DMXL1: variants seen among roughly 807,000 people sequenced by gnomAD.
The protein encoded by DMXL1 is Dmx like 1.
Under a neutral mutation model 319.2 loss-of-function variants are expected in DMXL1, and 99 were observed. The observed-to-expected ratio is 0.31, with a 90% CI of 0.26 to 0.37. The LOEUF is 0.37. DMXL1 is among the 10% of genes least tolerant of loss of function. The pLI is 1.00. For missense variants in DMXL1, 3,745 were observed against 3,595.6 expected (o/e 1.04, Z -1.06); for synonymous variants, 1,385 against 1,235.2 (o/e 1.12, Z -2.54).
Position 119,150,041 on chromosome 5 carries a change from C to T in DMXL1, c.4214C>T (p.Pro1405Leu). The T allele has an allele frequency of 6.2e-7, 1 of 1,613,944 alleles. No homozygotes were observed. Among genetic ancestry groups the T allele is most frequent in the Non-Finnish European group, 8.5e-7 (1 of 1,179,910 alleles). The change falls in exon 18 of 44, where the codon CCA (proline) becomes CTA (leucine). Residue 1405 changes from proline (P) to leucine (L), a missense_variant. Pro to Leu is a moderately conservative substitution (Grantham distance 98, BLOSUM62 -3). Coordinates refer to ENST00000539542, the MANE Select transcript of DMXL1 (RefSeq NM_001290321.3). ...TACACAGAAATAGATTCTGTTCCTCCACTTCCTTTATATGCCTTACTTGCA... is the reference window on the plus strand; with the variant it reads ...TACACAGAAATAGATTCTGTTCCTCTACTTCCTTTATATGCCTTACTTGCA... ...TDYTEIDSVP[P>L]LPLYALLAAD...
chr5:119,109,291 C>T (rs891738130), intron 4 of DMXL1, among the ~76,000 whole-genome samples: 8 of 152,166 alleles, frequency 5.3e-5, no homozygotes. Context: ...GAAAAATGCA[C>T]ATATTGTATG....
intron 38 of DMXL1, among the ~76,000 whole-genome samples, chr5:119,226,296 C>T (rs981381875): frequency 6.6e-6 from 1 of 152,058 alleles, no homozygotes; most frequent in Non-Finnish European, 1.5e-5. Context: ...ACAAGTCCCA[C>T]AGGTAGTAAT....
At chr5:119,096,506 T>C (rs1756008066) in intron 1 of DMXL1, among the ~76,000 whole-genome samples, 1 of 152,136 alleles carries the variant, frequency 6.6e-6, no homozygotes, top group Non-Finnish European at 1.5e-5. Flanking sequence ...TATGTGCGTG[T>C]GCAAAAATGA....
At position 119,118,716 on chromosome 5, in the gene DMXL1, CTTAG is replaced by C. The variant is rs534625774; in HGVS notation, c.744-96_744-93del. On this transcript the variant is annotated intron_variant, in intron 7 of 43. Coordinates refer to ENST00000539542, the MANE Select transcript of DMXL1 (RefSeq NM_001290321.3). ...ATATTGATATTTTCTTCATTGGTAC[CTTAG>C]TTGGTACATTTAAGTAATTACAGAA... 9.0e-5 allele frequency: 78 copies of C among 864,658 alleles called. No homozygotes were observed. The East Asian group carries it at 1.8e-3, about 20-fold the overall frequency. 53.6% of individuals were successfully genotyped at this position (864,658 alleles called of 1,614,324 possible).
chr5:119,183,287 T>C (rs564608642), intron 28 of DMXL1, among the ~76,000 whole-genome samples: 1 of 152,308 alleles, frequency 6.6e-6, no homozygotes, highest in Admixed American at 6.5e-5. Flanking sequence ...AACATTCCTT[T>C]AGCAAAGTAA....
chr5:119,204,007 A>G (rs1164004043), intron 33 of DMXL1, among the ~76,000 whole-genome samples: 1 of 151,892 alleles, frequency 6.6e-6, no homozygotes, highest in African/African-American at 2.4e-5. Context: ...TATTTTTAGT[A>G]GAGACGGGGT....
Position 119,148,939 on chromosome 5 carries a change from A to G in DMXL1, c.3112A>G (p.Ser1038Gly). Residue 1038 changes from serine (S) to glycine (G), a missense_variant, in exon 18 of 44, where the codon AGT becomes GGT. Physicochemically the swap from Ser to Gly is moderately conservative, Grantham distance 56 (BLOSUM62 0). Transcript: ENST00000539542. Reference protein sequence around the residue: ...LLIEDGLQSNSSITVPGRPVE... With the variant: ...LLIEDGLQSNGSITVPGRPVE... ...TATTGAAGATGGACTTCAGAGCAAT[A>G]GTAGTATAACTGTACCTGGTAGGCC... 5.0e-6 allele frequency: 8 copies of G among 1,613,948 alleles called. No homozygotes were observed. Among genetic ancestry groups the G allele is most frequent in the Non-Finnish European group, 6.8e-6 (8 of 1,179,844 alleles).
intron 33 of DMXL1, 191 bp from the exon 34 acceptor site, chr5:119,206,643 G>T (rs997536605): frequency 7.4e-6 from 3 of 403,970 alleles, no homozygotes; most frequent in Non-Finnish European, 1.3e-5. Context: ...ATTAAGTTTT[G>T]CTCATTTCCT....
At chr5:119,158,197 T>G (rs911763210) in intron 19 of DMXL1, among the ~76,000 whole-genome samples, 3 of 151,654 alleles carry the variant, frequency 2.0e-5, no homozygotes, top group East Asian at 1.9e-4. Context: ...GGCCGATATA[T>G]TTCTAAGGTT....
chr5:119,161,640 G>T (rs555673230), intron 19 of DMXL1, among the ~76,000 whole-genome samples: 6 of 152,208 alleles, frequency 3.9e-5, no homozygotes, highest in African/African-American at 1.4e-4. Flanking sequence ...AGTGGTGTTT[G>T]AGGCTGAGCC....
At chr5:119,132,218 C>T (rs1297001045) in intron 10 of DMXL1, among the ~76,000 whole-genome samples, 2 of 152,164 alleles carry the variant, frequency 1.3e-5, no homozygotes, top group Non-Finnish European at 2.9e-5. Context: ...GACAATTGAT[C>T]TGGCTATAAA....
chr5:119,220,024 T>C (rs1017652472), intron 35 of DMXL1, among the ~76,000 whole-genome samples: 3 of 134,468 alleles, frequency 2.2e-5, no homozygotes, highest in African/African-American at 5.6e-5. Flanking sequence ...TTTTTTTTTT[T>C]GCCTAAGATT....
At chr5:119,143,180 T>A (rs1464643312) in intron 13 of DMXL1, among the ~76,000 whole-genome samples, 1 of 151,960 alleles carries the variant, frequency 6.6e-6, no homozygotes, top group Non-Finnish European at 1.5e-5. Context: ...CCCTGTGACA[T>A]GAGTTTAGCA....
Position 119,118,928 on chromosome 5 carries a change from G to T in DMXL1, c.857G>T (p.Trp286Leu). The change falls in exon 8 of 44, where the codon TGG (tryptophan) becomes TTG (leucine). Residue 286 changes from tryptophan to leucine, a missense_variant. Physicochemically the swap from Trp to Leu is moderately conservative, Grantham distance 61 (BLOSUM62 -2). Transcript: ENST00000539542. ...CTATACGGAGGTGACTGCAGCCATT[G>T]GACTGAATCAATTAATTTAACAAAT... ...CLLYGGDCSHWTESINLTNNF... is the reference protein window; with the variant it reads ...CLLYGGDCSHLTESINLTNNF... 1 of 1,613,596 alleles carries T rather than the reference G, an allele frequency of 6.2e-7. No individual in the cohort carries two copies. Among genetic ancestry groups the T allele is most frequent in the South Asian group, 1.1e-5 (1 of 90,914 alleles).
chr5:119,171,389 T>A, intron 24 of DMXL1, 109 bp downstream of exon 24: 1 of 1,123,800 alleles, frequency 8.9e-7, no homozygotes, highest in Non-Finnish European at 1.2e-6. Flanking sequence ...ACGGTTGCTT[T>A]AGGGAAAGCT....
chr5:119,208,251 T>A (rs1782101674), intron 34 of DMXL1, among the ~76,000 whole-genome samples: 1 of 148,342 alleles, frequency 6.7e-6, no homozygotes, highest in Non-Finnish European at 1.5e-5. Flanking sequence ...TTCACTCAGG[T>A]TTCCCAGACT....
chr5:119,076,050 A>T (rs566310869), intron 1 of DMXL1, among the ~76,000 whole-genome samples: 7 of 152,114 alleles, frequency 4.6e-5, no homozygotes, highest in African/African-American at 1.4e-4. Flanking sequence ...GATTTGAATG[A>T]TATGGAAAGG....
intron 13 of DMXL1, among the ~76,000 whole-genome samples, chr5:119,136,241 G>A (rs1173831698): frequency 6.6e-6 from 1 of 152,220 alleles, no homozygotes; most frequent in African/African-American, 2.4e-5. Flanking sequence ...TTATCTGGCA[G>A]AAGAAATTTC....
intron 38 of DMXL1, among the ~76,000 whole-genome samples, chr5:119,228,402 A>T (rs558818764): frequency 2.6e-5 from 4 of 152,194 alleles, no homozygotes; most frequent in African/African-American, 4.8e-5. Flanking sequence ...TTGACAAGTA[A>T]ATTTGATTGC....
Sources: allele counts gnomAD v4.1 joint callset (sites outside exome capture counted in the v4.1 genomes callset), GRCh38; gene constraint gnomAD v4.1.1; transcripts MANE v1.5; gene names NCBI Gene and HGNC (gene_info 2026-07-23, HGNC 2026-07-21).